MYH2: variants seen among roughly 807,000 people sequenced by gnomAD.
The protein encoded by MYH2 is myosin-2.
A neutral mutation model predicts 228.1 loss-of-function variants in MYH2; 139 were observed. The observed-to-expected ratio is 0.61, with a 90% CI of 0.53 to 0.70. The LOEUF (loss-of-function observed/expected upper bound fraction) is 0.70, where lower values mean the gene tolerates loss of function less well. Among genes scored for constraint, MYH2 ranks in the 30% least tolerant of loss-of-function variants. The pLI is 0.00. For missense variants in MYH2, 1,809 were observed against 2,357.5 expected, an observed-to-expected ratio of 0.77 and a Z score of 4.82; for synonymous variants, 796 against 871.1, an observed-to-expected ratio of 0.91 and a Z score of 1.52.
rs1282377632 is a variant in MYH2, at chr17:10,526,605, T to A, written c.4181A>T (p.Glu1394Val). 1 of 1,614,020 alleles carries A rather than the reference T, an allele frequency of 6.2e-7. No individual in the cohort carries two copies. Among genetic ancestry groups the A allele is most frequent in the African/African-American group, 1.3e-5 (1 of 75,056 alleles). ...CTCATATCTGTGCACATACTTGGCC[T>A]CCTCCAGCTCCTCTGTGCGCTGGAT... ...DAIQRTEELEEAKKKLAQRLQ... is the reference protein window; with the variant it reads ...DAIQRTEELEVAKKKLAQRLQ... Residue 1394 changes from glutamate (E) to valine (V), a missense_variant, in exon 30 of 40, where the codon GAG becomes GTG. Physicochemically the swap from Glu to Val is moderately radical, Grantham distance 121. Around this residue, in one of 9 missense-constraint regions of MYH2, gnomAD observed 636 missense variants for 729.9 expected, o/e 0.87. Coordinates refer to ENST00000245503, the MANE Select transcript of MYH2 (RefSeq NM_017534.6).
chr17:10,543,411 C>CA (rs1331547813), intron 8 of MYH2, among the ~76,000 whole-genome samples: 1 of 152,094 alleles, frequency 6.6e-6, no homozygotes, highest in East Asian at 1.9e-4. Context: ...ATAATATACA[C>CA]ATAACATATA....
Position 10,530,118 on chromosome 17 carries a change from T to G in MYH2, c.2698-44A>C, listed in dbSNP as rs1048735064. Reference sequence around the variant, plus strand: ...TCAAAATTGGGAAGAAAGAATGAAATACTTCACAATGGATAAGAGTGTATG... The same window carrying G: ...TCAAAATTGGGAAGAAAGAATGAAAGACTTCACAATGGATAAGAGTGTATG... On this transcript the variant is annotated intron_variant, in intron 22 of 39. Coordinates refer to ENST00000245503, the MANE Select transcript of MYH2 (RefSeq NM_017534.6). 5 of 1,613,360 alleles carry G rather than the reference T, an allele frequency of 3.1e-6. No homozygotes were observed. In the African/African-American group the frequency reaches 6.7e-5, roughly 21 times the overall value.
chr17:10,540,988 T>G (rs1455826733), intron 10 of MYH2, among the ~76,000 whole-genome samples: 5 of 152,254 alleles, frequency 3.3e-5, no homozygotes, highest in African/African-American at 9.6e-5. Context: ...AATACTCTTG[T>G]GATTTCCTAT....
rs1567733956 is a variant in MYH2 at position 10,537,759 on chromosome 17, A to G, written c.1493T>C (p.Val498Ala). ...CTTCTTGTACTCCTCCTGCTCCAGC[A>G]CGAACATGTGGTGGTTGAAAAACTG... ...LQQFFNHHMFVLEQEEYKKEG... is the reference protein window; with the variant it reads ...LQQFFNHHMFALEQEEYKKEG... Residue 498 changes from valine (V) to alanine (A), a missense_variant, in exon 15 of 40, where the codon GTG (valine) becomes GCG (alanine). This residue lies in a region of MYH2 where 373 missense variants were observed against 620.4 expected (regional missense o/e 0.60). Coordinates refer to ENST00000245503, the MANE Select transcript of MYH2 (RefSeq NM_017534.6). The surrounding 1 kb of genome is among the most constrained non-coding windows in gnomAD (Gnocchi z 4.0). The G allele has an allele frequency of 5.0e-6, 8 of 1,614,190 alleles. No homozygotes were observed. Among genetic ancestry groups the G allele is most frequent in the East Asian group, 2.2e-5 (1 of 44,874 alleles).
At chr17:10,546,288 T>TATATATATAC (rs1384958740) in intron 4 of MYH2, among the ~76,000 whole-genome samples, 2 of 136,958 alleles carry the variant, frequency 1.5e-5, no homozygotes, top group African/African-American at 2.7e-5. Context: ...TATATATATA[T>TATATATATAC]ACATCATGAT....
At chr17:10,522,555 T>A (rs892843200) in intron 39 of MYH2, among the ~76,000 whole-genome samples, 6 of 152,026 alleles carry the variant, frequency 3.9e-5, no homozygotes, top group Non-Finnish European at 8.8e-5. Flanking sequence ...ACTGTTTTAT[T>A]ATTATTTATA....
In MYH2 at chr17:10,527,824, C is replaced by T; in HGVS notation, c.3795G>A (p.Leu1265=). ...CRTLEDQLSE[L]KSKEEEQQRL... ...GCTGCTGCTCCTCTTCCTTTGATTT[C>T]AGTTCACTCAGTTGGTCCTCTAGAG... The change falls in exon 28 of 40, where the codon CTG becomes CTA. Residue 1265 remains leucine, a synonymous_variant. Coordinates refer to ENST00000245503, the MANE Select transcript of MYH2 (RefSeq NM_017534.6). The T allele has an allele frequency of 6.2e-7, 1 of 1,614,054 alleles. No individual in the cohort carries two copies. Among genetic ancestry groups the T allele is most frequent in the South Asian group, 1.1e-5 (1 of 91,086 alleles).
Position 10,540,007 on chromosome 17 carries a change from C to CATAAT in MYH2, c.1067_1068insATTAT (p.Gly357LeufsTer5). The stretch of plus-strand genomic sequence containing the variant: ...GGTTCCCATAATGCATCACAGCCCC[C>CATAAT]GTGAGCTTGTAAATGGAGACCTTTT... On this transcript the variant is annotated frameshift_variant, in exon 12 of 40. Transcript: ENST00000245503. LOFTEE classifies it high-confidence loss of function. 1 of 1,614,028 alleles carries CATAAT rather than the reference C, an allele frequency of 6.2e-7. No homozygotes were observed. The highest frequency in any genetic ancestry group is 8.5e-7 in the Non-Finnish European group (1 of 1,179,974).
chr17:10,528,408 C>A (rs2073381356), intron 27 of MYH2, among the ~76,000 whole-genome samples: 2 of 152,036 alleles, frequency 1.3e-5, no homozygotes, highest in African/African-American at 4.8e-5. Context: ...TAATTGGAGA[C>A]CTTTGTTCTA....
At chr17:10,544,945 G>A (rs978637780) in intron 5 of MYH2, among the ~76,000 whole-genome samples, 3 of 152,046 alleles carry the variant, frequency 2.0e-5, no homozygotes, top group African/African-American at 7.2e-5. Flanking sequence ...ACAGAGACAA[G>A]TTTTACTCTT....
intron 17 of MYH2, among the ~76,000 whole-genome samples, 188 bp downstream of exon 17, chr17:10,536,342 G>T (rs578016603): frequency 1.3e-4 from 20 of 152,016 alleles, no homozygotes; most frequent in Non-Finnish European, 2.8e-4. Flanking sequence ...AAAAAGAAAA[G>T]ACGAGGGGAA....
At position 10,547,486 on chromosome 17, in the gene MYH2, A is replaced by C. The variant is rs748630746; in HGVS notation, c.337T>G (p.Trp113Gly). ...CAGGGGACACTCACGTAGATCATCC[A>C]GGCTGCATAACGTTCTTTGAGGTTG... ...LYNLKERYAA[W>G]MIYTYSGLFC... Residue 113 changes from tryptophan (W) to glycine (G), a missense_variant, in exon 4 of 40, where the codon TGG (tryptophan) becomes GGG (glycine). Transcript: ENST00000245503. The C allele has an allele frequency of 5.0e-6, 8 of 1,614,072 alleles. No individual in the cohort carries two copies. The highest frequency in any genetic ancestry group is 1.7e-5 in the Admixed American group (1 of 60,008).
At chr17:10,539,387 T>C in intron 13 of MYH2, 33 bp from the exon 14 acceptor site, 4 of 1,614,198 alleles carry the variant, frequency 2.5e-6, no homozygotes, top group Non-Finnish European at 3.4e-6. Flanking sequence ...CTCGAAGTTA[T>C]TAAAGGCCTA....
chr17:10,537,388 G>A lies in MYH2; in HGVS notation c.1742C>T (p.Ala581Val), dbSNP rs1370518463. The change falls in exon 16 of 40, where the codon GCT (alanine) becomes GTT (valine). Residue 581 changes from alanine (A) to valine (V), a missense_variant. Around this residue, in one of 9 missense-constraint regions of MYH2, gnomAD observed 41 missense variants for 35.1 expected, o/e 1.17. Coordinates refer to ENST00000245503, the MANE Select transcript of MYH2 (RefSeq NM_017534.6). This position sits in a 1 kb window ranked among gnomAD's most constrained non-coding sequence, Gnocchi z 4.0. Reference protein sequence around the residue: ...VVKGKAEAHFALIHYAGVVDY... With the variant: ...VVKGKAEAHFVLIHYAGVVDY... ...CACAACACCAGCATAGTGAATCAGA[G>A]CGAAGTGGGCCTCGGCCTTGCCTTT... The A allele has an allele frequency of 1.2e-6, 2 of 1,614,170 alleles. No individual in the cohort carries two copies. The highest frequency in any genetic ancestry group is 1.3e-5 in the African/African-American group (1 of 75,056).
At position 10,524,565 on chromosome 17, in the gene MYH2, C is replaced by T; in HGVS notation, c.5076G>A (p.Glu1692=). ...TCTGTTCCAGAGTGGCCCGCAGCTCCTCGATCTCAGCCTGCAGCAGGTTGG... is the reference window on the plus strand; with the variant it reads ...TCTGTTCCAGAGTGGCCCGCAGCTCTTCGATCTCAGCCTGCAGCAGGTTGG... ...RRANLLQAEI[E]ELRATLEQTE... The change falls in exon 35 of 40, where the codon GAG becomes GAA. Residue 1692 remains glutamate, a synonymous_variant. Transcript: ENST00000245503. The surrounding 1 kb of genome is among the most constrained non-coding windows in gnomAD (Gnocchi z 4.7). 6.2e-7 allele frequency: 1 copy of T among 1,614,232 alleles called. No homozygotes were observed. Among genetic ancestry groups the T allele is most frequent in the Non-Finnish European group, 8.5e-7 (1 of 1,180,042 alleles).
In MYH2 at chr17:10,537,900, T is replaced by C; in HGVS notation, c.1417-65A>G. ...TGAGTATTTTTTAAAATACAGAACT[T>C]TTCCATTTTAAAAATATGTGTCCAA... On this transcript the variant is annotated intron_variant, in intron 14 of 39. Transcript: ENST00000245503. This position sits in a 1 kb window ranked among gnomAD's most constrained non-coding sequence, Gnocchi z 4.0. 1 of 1,613,018 alleles carries C rather than the reference T, an allele frequency of 6.2e-7. No homozygotes were observed. The highest frequency in any genetic ancestry group is 8.5e-7 in the Non-Finnish European group (1 of 1,179,316).
intron 38 of MYH2, 22 bp from the exon 39 acceptor site, chr17:10,523,207 A>G: frequency 6.2e-7 from 1 of 1,609,198 alleles, no homozygotes; most frequent in Non-Finnish European, 8.5e-7. Flanking sequence ...TAAAAAGTCC[A>G]GGACCTTAAT....
At position 10,523,797 on chromosome 17, in the gene MYH2, G is replaced by A. The variant is rs202006788; in HGVS notation, c.5263C>T (p.Arg1755Cys). Reference sequence around the variant, plus strand: ...TTCTTGGCCTTTTCTTCTGCATTGCGGGCTTCCTGGAGAATGTCCTCCATC... The same window carrying A: ...TTCTTGGCCTTTTCTTCTGCATTGCAGGCTTCCTGGAGAATGTCCTCCATC... ...GEMEDILQEA[R>C]NAEEKAKKAI... Residue 1755 changes from arginine (R) to cysteine (C), a missense_variant, in exon 36 of 40, where the codon CGC becomes TGC. Physicochemically the swap from Arg to Cys is radical, Grantham distance 180. This residue lies in a region of MYH2 where 278 missense variants were observed against 308.5 expected (regional missense o/e 0.90). Coordinates refer to ENST00000245503, the MANE Select transcript of MYH2 (RefSeq NM_017534.6). 5.5e-5 allele frequency: 88 copies of A among 1,614,078 alleles called. No homozygotes were observed. Among genetic ancestry groups the A allele is most frequent in the Admixed American group, 3.0e-4 (18 of 60,006 alleles).
In MYH2 at chr17:10,529,902, T is replaced by C. The variant is rs747240113; in HGVS notation, c.2870A>G (p.Lys957Arg). Reference protein sequence around the residue: ...RKLEDECSELKKDIDDLELTL... With the variant: ...RKLEDECSELRKDIDDLELTL... Reference sequence around the variant, plus strand: ...CAGCTCAAGGTCATCAATGTCTTTCTTGAGTTCTGAACATTCATCCTCCAG... The same window carrying C: ...CAGCTCAAGGTCATCAATGTCTTTCCTGAGTTCTGAACATTCATCCTCCAG... Residue 957 changes from lysine to arginine, a missense_variant, in exon 23 of 40, where the codon AAG becomes AGG. Lys to Arg is a conservative substitution (Grantham distance 26, BLOSUM62 2). Transcript: ENST00000245503. 1.2e-6 allele frequency: 2 copies of C among 1,613,206 alleles called. No homozygotes were observed. The highest frequency in any genetic ancestry group is 2.2e-5 in the East Asian group (1 of 44,868).
Sources: gnomAD v4.1 joint callset for allele counts (sites outside exome capture counted in the v4.1 genomes callset) on GRCh38, gnomAD v4.1.1 for gene constraint, gnomAD v4.1.1 regional missense constraint, Gnocchi (gnomAD v3.1) non-coding constraint, MANE v1.5 for transcripts, NCBI Gene and HGNC (gene_info 2026-07-23, HGNC 2026-07-21) for gene names.